GGA2: variants seen among roughly 807,000 people sequenced by gnomAD.
The protein encoded by GGA2 is golgi associated, gamma adaptin ear containing, ARF binding protein 2, also known as ADP-ribosylation factor-binding protein GGA2.
Under a neutral mutation model 79.5 loss-of-function variants are expected in GGA2, and 48 were observed. The observed-to-expected ratio is 0.60, with a 90% CI of 0.48 to 0.77. GGA2 has a LOEUF of 0.77. Ranked by LOEUF, GGA2 falls within the 30% of genes least tolerant of loss-of-function variation. The pLI, the probability that GGA2 is intolerant of heterozygous loss-of-function variation, is 0.00. For missense variants in GGA2, 770 were observed against 774.0 expected, an observed-to-expected ratio of 0.99 and a Z score of 0.06; for synonymous variants, 317 against 302.0, an observed-to-expected ratio of 1.05 and a Z score of -0.51.
upstream of GGA2, among the ~76,000 whole-genome samples, chr16:23,510,940 TGTGTGTGTTA>T (rs1596999271): frequency 7.9e-6 from 1 of 127,374 alleles, no homozygotes; most frequent in East Asian, 2.2e-4. Context: ...TGTGTGTGTG[TGTGTGTGTTA>T]GAGACTGGGT....
In GGA2 at chr16:23,484,332, C is replaced by T. The variant is rs894942028; in HGVS notation, c.799-1328G>A. Among the ~76,000 whole-genome samples the T allele has an allele frequency of 3.9e-5, 6 of 152,046 alleles. 1 individual carries two copies. The South Asian group carries it at 1.2e-3, about 32-fold the overall frequency. On this transcript the variant is annotated intron_variant, in intron 8 of 16. Coordinates refer to ENST00000309859, the MANE Select transcript of GGA2 (RefSeq NM_015044.4). The stretch of plus-strand genomic sequence containing the variant: ...CCTCGGGAGGCTGAGGCAGGAGAAT[C>T]GCTCGAACCCGGGAGGCAGAAGTCG...
intron 1 of GGA2, among the ~76,000 whole-genome samples, chr16:23,507,548 A>G (rs1964986727): frequency 6.6e-6 from 1 of 152,124 alleles, no homozygotes; most frequent in Non-Finnish European, 1.5e-5. Context: ...GAATTGCTTG[A>G]ACCTGGGAGG....
chr16:23,502,763 C>T (rs1045033769), intron 1 of GGA2, among the ~76,000 whole-genome samples: 1 of 152,212 alleles, frequency 6.6e-6, no homozygotes, highest in African/African-American at 2.4e-5. Flanking sequence ...CAATGGGAAT[C>T]CTATGGTGCA....
chr16:23,507,801 A>AAAAT (rs984023166), intron 1 of GGA2, among the ~76,000 whole-genome samples: 17 of 152,076 alleles, frequency 1.1e-4, no homozygotes, highest in East Asian at 3.8e-4. Flanking sequence ...CTCCATCTCA[A>AAAAT]AAATAAATAA....
chr16:23,478,599 T>C (rs1385172606), intron 12 of GGA2, 98 bp from the exon 13 acceptor site: 8 of 1,192,130 alleles, frequency 6.7e-6, no homozygotes, highest in Non-Finnish European at 9.9e-6. Flanking sequence ...CCCAAGCTGC[T>C]GTGGCCCAGA....
At chr16:23,523,116 A>G (rs898483541), upstream of GGA2, 2 of 152,250 alleles carry the variant, frequency 1.3e-5, no homozygotes, top group African/African-American at 2.4e-5. Context: ...GGCCTATTCA[A>G]TGTGGGAAGG....
intron 14 of GGA2, among the ~76,000 whole-genome samples, chr16:23,470,760 C>CAAAG (rs2142112991): frequency 7.0e-6 from 1 of 141,924 alleles, no homozygotes; most frequent in East Asian, 2.1e-4. Context: ...AACAAACAAA[C>CAAAG]AAACAAAAAA....
upstream of GGA2, among the ~76,000 whole-genome samples, chr16:23,513,555 G>A (rs1378785601): frequency 2.6e-5 from 4 of 152,116 alleles, no homozygotes; most frequent in Non-Finnish European, 4.4e-5. Context: ...AGGCTGAGGC[G>A]TGCAGATCAC....
At chr16:23,494,060 T>C (rs1596989923) in intron 3 of GGA2, 2 of 539,698 alleles carry the variant, frequency 3.7e-6, no homozygotes, top group East Asian at 6.2e-5. Flanking sequence ...GCAAATGAAA[T>C]AAAACCTTCC....
intron 1 of GGA2, among the ~76,000 whole-genome samples, chr16:23,497,755 C>A (rs548578758): frequency 2.0e-5 from 3 of 152,320 alleles, no homozygotes; most frequent in African/African-American, 7.2e-5. Flanking sequence ...ATTTTATCTG[C>A]CCCTTCTCCG....
chr16:23,470,078 T>C lies in GGA2; in HGVS notation c.1538A>G (p.Glu513Gly), dbSNP rs1443305982. ...FSQTGAPGHP[E>G]VQVLLLTMMS... ...CATGGTCAAGAGCAGCACCTGTACC[T>C]CTGGGTGCCCAGGGGCTCCCGTCTG... Residue 513 changes from glutamate to glycine, a missense_variant, in exon 15 of 17, where the codon GAG becomes GGG. Transcript: ENST00000309859. 1.9e-6 allele frequency: 3 copies of C among 1,610,260 alleles called. No individual in the cohort carries two copies. Among genetic ancestry groups the C allele is most frequent in the Non-Finnish European group, 2.5e-6 (3 of 1,178,226 alleles).
chr16:23,474,250 C>T (rs934446397), intron 14 of GGA2, among the ~76,000 whole-genome samples: 6 of 152,304 alleles, frequency 3.9e-5, no homozygotes, highest in South Asian at 2.1e-4. Context: ...CCCAAATCAA[C>T]GAACATTATG....
Position 23,479,882 on chromosome 16 carries a change from G to T in GGA2, c.1012C>A (p.Gln338Lys). 6.2e-7 allele frequency: 1 copy of T among 1,614,002 alleles called. No homozygotes were observed. The change falls in exon 11 of 17, where the codon CAG becomes AAG. Residue 338 changes from glutamine to lysine, a missense_variant. Gln to Lys is a moderately conservative substitution (Grantham distance 53). Transcript: ENST00000309859. The stretch of plus-strand genomic sequence containing the variant: ...GTCTTCATGCAGCCTGCTGGATTCT[G>T]AAAGACTAGAAAGCCCAGGGTTAGG... ...LGDIPVSRVF[Q>K]NPAGCMKTCP... is the part of the protein sequence containing the mutation.
intron 14 of GGA2, among the ~76,000 whole-genome samples, chr16:23,473,237 A>G (rs889569218): frequency 1.9e-4 from 29 of 150,338 alleles, no homozygotes; most frequent in Admixed American, 1.7e-3. Flanking sequence ...ATGTACATAT[A>G]TATGTATATG....
upstream of GGA2, among the ~76,000 whole-genome samples, chr16:23,512,492 GTAGATAAC>G (rs1357445614): frequency 6.6e-6 from 1 of 152,110 alleles, no homozygotes; most frequent in African/African-American, 2.4e-5. Flanking sequence ...ATTCTTCCTT[GTAGATAAC>G]TGAATAGCAA....
chr16:23,470,334 G>C (rs1384493714), intron 14 of GGA2, among the ~76,000 whole-genome samples, 169 bp from the exon 15 acceptor site: 1 of 152,110 alleles, frequency 6.6e-6, no homozygotes, highest in African/African-American at 2.4e-5. Flanking sequence ...CATGACTCTA[G>C]CTGGACTCCT....
intron 1 of GGA2, among the ~76,000 whole-genome samples, chr16:23,520,447 A>G (rs1206028832): frequency 6.6e-6 from 1 of 152,070 alleles, no homozygotes; most frequent in East Asian, 1.9e-4. Context: ...TATACCCTCA[A>G]AACACTGGGG....
At chr16:23,484,731 T>C (rs1964691292) in intron 8 of GGA2, among the ~76,000 whole-genome samples, 2 of 152,328 alleles carry the variant, frequency 1.3e-5, no homozygotes, top group South Asian at 2.1e-4. Context: ...GTTGGCAGGA[T>C]GCAGAGAACT....
Position 23,465,655 on chromosome 16 carries a change from C to A in GGA2, c.*1935G>T, listed in dbSNP as rs1445583744. On this transcript the variant is annotated 3_prime_UTR_variant, in exon 17 of 17. Transcript: ENST00000309859. Reference sequence around the variant, plus strand: ...AGTAACAGAGCCTATAAAAGCTACACAGAGGCCGGGTGCGGTGGCTCACGC... The same window carrying A: ...AGTAACAGAGCCTATAAAAGCTACAAAGAGGCCGGGTGCGGTGGCTCACGC... 3 of 499,524 alleles carry A rather than the reference C, an allele frequency of 6.0e-6. No homozygotes were observed. Among genetic ancestry groups the A allele is most frequent in the Non-Finnish European group, 1.1e-5 (3 of 280,418 alleles). The allele number at this position is 499,524 out of a possible 1,614,324, so 30.9% of individuals were successfully genotyped here.
Sources: allele counts gnomAD v4.1 joint callset (sites outside exome capture counted in the v4.1 genomes callset), GRCh38; gene constraint gnomAD v4.1.1; transcripts MANE v1.5; gene names NCBI Gene and HGNC (gene_info 2026-07-23, HGNC 2026-07-21).